The following GNAL variants were observed in gnomAD, a reference collection of about 807,000 sequenced individuals.
The protein encoded by GNAL is G protein subunit alpha L, also known as guanine nucleotide-binding protein G(olf) subunit alpha.
Under a neutral mutation model 55.1 loss-of-function variants are expected in GNAL, and 18 were observed. The ratio of observed to expected loss-of-function variants is 0.33; its 90% CI spans 0.23 to 0.48. The LOEUF is 0.48. Ranked by LOEUF, GNAL falls within the 20% of genes least tolerant of loss-of-function variation. GNAL has a pLI of 0.99. For missense variants in GNAL, 412 were observed against 614.1 expected, an observed-to-expected ratio of 0.67 and a Z score of 3.48; for synonymous variants, 253 against 237.0, an observed-to-expected ratio of 1.07 and a Z score of -0.62.
intron 2 of GNAL, among the ~76,000 whole-genome samples, chr18:11,753,316 G>A (rs1241555675): frequency 6.6e-6 from 1 of 152,150 alleles, no homozygotes; most frequent in Non-Finnish European, 1.5e-5. Flanking sequence ...ATTTACAGGT[G>A]TAACTGCATG....
At chr18:11,774,193 G>A (rs1433964731) in intron 4 of GNAL, among the ~76,000 whole-genome samples, 2 of 152,150 alleles carry the variant, frequency 1.3e-5, no homozygotes, top group African/African-American at 4.8e-5. Flanking sequence ...AGCCACGCAC[G>A]GGGCCCAGTT....
intron 5 of GNAL, chr18:11,853,428 C>T (rs943117282): frequency 1.8e-5 from 3 of 167,114 alleles, no homozygotes; most frequent in African/African-American, 7.2e-5. Context: ...AAGCAACTTG[C>T]TTTTGCCTTG....
intron 1 of GNAL, among the ~76,000 whole-genome samples, chr18:11,738,232 T>A (rs2032499435): frequency 6.6e-6 from 1 of 152,202 alleles, no homozygotes; most frequent in Non-Finnish European, 1.5e-5. Flanking sequence ...AAAGTCCCAC[T>A]GTTCCAAGCA....
At chr18:11,807,761 AG>A (rs1205666537) in intron 4 of GNAL, among the ~76,000 whole-genome samples, 3 of 152,004 alleles carry the variant, frequency 2.0e-5, no homozygotes, top group Admixed American at 1.3e-4. Context: ...TTACATAGAG[AG>A]GGGGGCCCAG....
chr18:11,693,852 A>AT lies in GNAL; in HGVS notation c.376+3932dup, dbSNP rs35736728. 4.3e-3 allele frequency among the ~76,000 whole-genome samples: 474 copies of AT among 109,804 alleles called. 9 individuals carry two copies. Among genetic ancestry groups the AT allele is most frequent in the African/African-American group, 9.4e-3 (260 of 27,580 alleles). The allele number at this position is 109,804 out of a possible 152,430, so 72.0% of individuals were successfully genotyped here. On this transcript the variant is annotated intron_variant, in intron 1 of 11. Transcript: ENST00000334049. The stretch of plus-strand genomic sequence containing the variant: ...GGCAACATAGTAAGACTATGTCGCT[A>AT]TTTTTTTTTTTTTTTTTTTAGACAG...
chr18:11,805,556 A>G (rs1459813619), intron 4 of GNAL, among the ~76,000 whole-genome samples: 1 of 151,822 alleles, frequency 6.6e-6, no homozygotes, highest in Non-Finnish European at 1.5e-5. Flanking sequence ...TCTACAGTCT[A>G]TGTCCTGTAT....
chr18:11,788,915 AT>A (rs1191653079), intron 4 of GNAL, among the ~76,000 whole-genome samples: 5 of 65,110 alleles, frequency 7.7e-5, no homozygotes, highest in African/African-American at 2.1e-4. Flanking sequence ...AAAAAAAAAA[AT>A]ATATATATAT....
chr18:11,796,588 A>AAAAAC (rs2034391720), intron 4 of GNAL, among the ~76,000 whole-genome samples: 1 of 148,888 alleles, frequency 6.7e-6, no homozygotes, highest in African/African-American at 2.5e-5. Context: ...AAAAAAAAAA[A>AAAAAC]AAAAAAACAA....
intron 4 of GNAL, among the ~76,000 whole-genome samples, chr18:11,767,224 T>G (rs1598439652): frequency 1.3e-5 from 2 of 151,156 alleles, no homozygotes; most frequent in South Asian, 4.2e-4. Flanking sequence ...TGCACCCTTA[T>G]GCTTACACAC....
At chr18:11,821,772 G>A (rs1251306867) in intron 4 of GNAL, among the ~76,000 whole-genome samples, 1 of 152,182 alleles carries the variant, frequency 6.6e-6, no homozygotes. Flanking sequence ...TCTGCAGGAG[G>A]GAGCCGGGAG....
intron 4 of GNAL, among the ~76,000 whole-genome samples, chr18:11,759,672 A>T (rs1255589221): frequency 2.0e-5 from 3 of 152,238 alleles, no homozygotes; most frequent in Non-Finnish European, 4.4e-5. Flanking sequence ...GCCTACACCC[A>T]CTGCAGCTTG....
At chr18:11,753,407 A>G in intron 2 of GNAL, 2 of 503,154 alleles carry the variant, frequency 4.0e-6, no homozygotes, top group Non-Finnish European at 7.1e-6. Context: ...ATAGATTTTT[A>G]AAAAAATGTG....
chr18:11,870,295 A>C (rs9947329), intron 9 of GNAL, among the ~76,000 whole-genome samples: 57,452 of 152,068 alleles, frequency 0.38, 13,830 homozygotes, highest in African/African-American at 0.69. Context: ...CCAAGGCAGG[A>C]AGATCACCTG....
At chr18:11,733,333 G>C (rs1276165028) in intron 1 of GNAL, among the ~76,000 whole-genome samples, 1 of 152,184 alleles carries the variant, frequency 6.6e-6, no homozygotes, top group Non-Finnish European at 1.5e-5. Flanking sequence ...CCTTTAAACT[G>C]CTCTGCCTGC....
chr18:11,706,292 A>G (rs1248561711), intron 1 of GNAL, among the ~76,000 whole-genome samples: 1 of 152,044 alleles, frequency 6.6e-6, no homozygotes, highest in Non-Finnish European at 1.5e-5. Context: ...ATACTATACT[A>G]TATCTATTAA....
intron 1 of GNAL, among the ~76,000 whole-genome samples, chr18:11,733,736 G>C (rs2032395174): frequency 1.3e-5 from 2 of 152,154 alleles, no homozygotes; most frequent in African/African-American, 4.8e-5. Context: ...TGGAAGAACA[G>C]ACATTAGAGA....
Position 11,885,141 on chromosome 18 carries a change from T to G in GNAL, c.*4006T>G. 1.0e-6 allele frequency: 1 copy of G among 982,226 alleles called. No individual in the cohort carries two copies. The highest frequency in any genetic ancestry group is 1.3e-6 in the Non-Finnish European group (1 of 749,814). 60.8% of individuals were successfully genotyped at this position (982,226 alleles called of 1,614,324 possible). A position where few individuals can be genotyped will look rare whatever the true frequency, so the allele number is the denominator to read the frequency against. ...CAAATGTTTTCATTTACTTTGAATTTGAAAATGTTAGGGTTTCCTCCACCT... is the reference window on the plus strand; with the variant it reads ...CAAATGTTTTCATTTACTTTGAATTGGAAAATGTTAGGGTTTCCTCCACCT... On this transcript the variant is annotated 3_prime_UTR_variant, in exon 12 of 12. Coordinates refer to ENST00000334049, the MANE Select transcript of GNAL (RefSeq NM_182978.4).
rs186521065 is a variant in GNAL, at chr18:11,884,348, C to A, written c.*3213C>A. The A allele has an allele frequency of 1.8e-6, 2 of 1,133,696 alleles. No individual in the cohort carries two copies. The highest frequency in any genetic ancestry group is 4.7e-5 in the East Asian group (2 of 42,390). 70.2% of individuals were successfully genotyped at this position (1,133,696 alleles called of 1,614,324 possible). A position where few individuals can be genotyped will look rare whatever the true frequency, so the allele number is the denominator to read the frequency against. On this transcript the variant is annotated 3_prime_UTR_variant, in exon 12 of 12. Coordinates refer to ENST00000334049, the MANE Select transcript of GNAL (RefSeq NM_182978.4). ...AGAATTTCTGTGCTGTGCAGAGAGA[C>A]GGCCTGTAATTGGTCTCATCATCCA...
intron 9 of GNAL, among the ~76,000 whole-genome samples, chr18:11,870,438 T>C (rs1022509271): frequency 3.9e-5 from 6 of 152,060 alleles, no homozygotes; most frequent in Non-Finnish European, 7.4e-5. Context: ...GGAGAATCGC[T>C]TGAACCCGGG....
Sources: gnomAD v4.1 joint callset for allele counts (sites outside exome capture counted in the v4.1 genomes callset) on GRCh38, gnomAD v4.1.1 for gene constraint, MANE v1.5 for transcripts, NCBI Gene and HGNC (gene_info 2026-07-23, HGNC 2026-07-21) for gene names.